HS3ST2: variants seen among roughly 807,000 people sequenced by gnomAD.
HS3ST2 encodes heparan sulfate-glucosamine 3-sulfotransferase 2, also known as heparan sulfate glucosamine 3-O-sulfotransferase 2.
HS3ST2 carries 17 observed loss-of-function variants against 26.3 expected under a neutral mutation model. The observed-to-expected ratio is 0.65, with a 90% CI of 0.44 to 0.97. The LOEUF (loss-of-function observed/expected upper bound fraction) is 0.97, where lower values mean the gene tolerates loss of function less well. Among genes scored for constraint, HS3ST2 ranks in the 50% least tolerant of loss-of-function variants. The pLI, the probability that HS3ST2 is intolerant of heterozygous loss-of-function variation, is 0.00. For missense variants in HS3ST2, 402 were observed against 501.2 expected (o/e 0.80, Z 1.89); for synonymous variants, 237 against 219.2 (o/e 1.08, Z -0.72).
intron 1 of HS3ST2, among the ~76,000 whole-genome samples, chr16:22,891,827 G>T (rs971529061): frequency 6.6e-6 from 1 of 152,164 alleles, no homozygotes; most frequent in Non-Finnish European, 1.5e-5. Context: ...CTTTGAGGTT[G>T]TTGCTATAAG....
At chr16:22,883,585 T>G (rs1051471486) in intron 1 of HS3ST2, among the ~76,000 whole-genome samples, 1 of 152,200 alleles carries the variant, frequency 6.6e-6, no homozygotes, top group Non-Finnish European at 1.5e-5. Context: ...ACTATGTAAC[T>G]GGTTTTTGTT....
intron 1 of HS3ST2, among the ~76,000 whole-genome samples, chr16:22,846,775 A>G (rs1041341169): frequency 2.0e-5 from 3 of 152,160 alleles, no homozygotes; most frequent in Non-Finnish European, 4.4e-5. Context: ...ATGTAACTCA[A>G]AGACAGTCTC....
intron 1 of HS3ST2, among the ~76,000 whole-genome samples, chr16:22,864,222 A>G (rs1195619800): frequency 6.6e-6 from 1 of 152,180 alleles, no homozygotes; most frequent in Non-Finnish European, 1.5e-5. Context: ...AGGTGTTATG[A>G]TGGATGCCTG....
chr16:22,894,352 G>T (rs541484211), intron 1 of HS3ST2, among the ~76,000 whole-genome samples: 3 of 152,296 alleles, frequency 2.0e-5, no homozygotes, highest in Admixed American at 2.0e-4. Context: ...CCTAATAGGT[G>T]CAGGGCAGCG....
At chr16:22,840,954 T>G (rs2141181887) in intron 1 of HS3ST2, among the ~76,000 whole-genome samples, 2 of 146,126 alleles carry the variant, frequency 1.4e-5, no homozygotes, top group African/African-American at 2.5e-5. Flanking sequence ...CCTAATGCTA[T>G]TCCTCCCCCC....
rs1900833452 is a variant in HS3ST2, at chr16:22,814,792, C to T, written c.182C>T (p.Ala61Val). 1.9e-6 allele frequency: 3 copies of T among 1,593,250 alleles called. No homozygotes were observed. The highest frequency in any genetic ancestry group is 1.1e-5 in the South Asian group (1 of 88,412). The change falls in exon 1 of 2, where the codon GCG becomes GTG. Residue 61 changes from alanine to valine, a missense_variant. Ala to Val is a moderately conservative substitution (Grantham distance 64, BLOSUM62 0). Around this residue, in one of 2 missense-constraint regions of HS3ST2, gnomAD observed 165 missense variants for 154.6 expected, o/e 1.07. Transcript: ENST00000261374. Reference sequence around the variant, plus strand: ...CCTCGCTGCCTCCGCGGCCCCAGCGCGGGCGGCCAGAAACTTCTCCAGAAG... The same window carrying T: ...CCTCGCTGCCTCCGCGGCCCCAGCGTGGGCGGCCAGAAACTTCTCCAGAAG... ...GAPRCLRGPS[A>V]GGQKLLQKSR...
In HS3ST2 at chr16:22,861,869, T is replaced by C. The variant is rs371500419; in HGVS notation, c.485+46774T>C. On this transcript the variant is annotated intron_variant, in intron 1 of 1. Coordinates refer to ENST00000261374, the MANE Select transcript of HS3ST2 (RefSeq NM_006043.2). ...CTGCCTCGGGACCTTTGCACTGGTCTCCTAAAGAGCTCTGCTCCCCAGTCT... is the reference window on the plus strand; with the variant it reads ...CTGCCTCGGGACCTTTGCACTGGTCCCCTAAAGAGCTCTGCTCCCCAGTCT... Among the ~76,000 whole-genome samples, 16 of 152,270 alleles carry C rather than the reference T, an allele frequency of 1.1e-4. No individual in the cohort carries two copies. The East Asian group carries it at 3.1e-3, about 29-fold the overall frequency.
chr16:22,869,384 A>G (rs1184120817), intron 1 of HS3ST2, among the ~76,000 whole-genome samples: 2 of 152,224 alleles, frequency 1.3e-5, no homozygotes, highest in African/African-American at 4.8e-5. Flanking sequence ...AGCTGGCCCA[A>G]GACTCAGTTC....
At chr16:22,829,577 T>C (rs1001179394) in intron 1 of HS3ST2, among the ~76,000 whole-genome samples, 1 of 152,122 alleles carries the variant, frequency 6.6e-6, no homozygotes, top group Non-Finnish European at 1.5e-5. Flanking sequence ...TATAGAACAC[T>C]TGTGGGTCAA....
At chr16:22,865,049 C>CAAAA (rs59256411) in intron 1 of HS3ST2, among the ~76,000 whole-genome samples, 1 of 50,044 alleles carries the variant, frequency 2.0e-5, no homozygotes, top group Non-Finnish European at 4.7e-5. Flanking sequence ...GACCCTATCT[C>CAAAA]AAAAAAAAAA....
At chr16:22,867,443 T>C (rs1794948584) in intron 1 of HS3ST2, among the ~76,000 whole-genome samples, 1 of 152,126 alleles carries the variant, frequency 6.6e-6, no homozygotes, top group South Asian at 2.1e-4. Context: ...GCCAGCAAAA[T>C]GGGTAATGTG....
At chr16:22,819,894 A>C (rs1000758398) in intron 1 of HS3ST2, among the ~76,000 whole-genome samples, 1 of 152,262 alleles carries the variant, frequency 6.6e-6, no homozygotes, top group African/African-American at 2.4e-5. Flanking sequence ...CTTAGAAAAA[A>C]ATAAAATCAA....
chr16:22,852,032 G>C (rs972202230), intron 1 of HS3ST2, among the ~76,000 whole-genome samples: 14 of 152,346 alleles, frequency 9.2e-5, no homozygotes, highest in Admixed American at 6.5e-5. Flanking sequence ...CTGAAGCTCA[G>C]CCTAGGCCAG....
chr16:22,904,293 C>T (rs577871237), intron 1 of HS3ST2, among the ~76,000 whole-genome samples: 1 of 152,212 alleles, frequency 6.6e-6, no homozygotes, highest in South Asian at 2.1e-4. Flanking sequence ...TCTCTGTATC[C>T]CCAGCATACA....
chr16:22,901,609 G>A (rs559451183), intron 1 of HS3ST2, among the ~76,000 whole-genome samples: 5 of 152,182 alleles, frequency 3.3e-5, no homozygotes, highest in Admixed American at 1.3e-4. Flanking sequence ...AGTGTCCCAC[G>A]GTCAGCTGCA....
intron 1 of HS3ST2, among the ~76,000 whole-genome samples, chr16:22,860,379 C>T (rs1359887422): frequency 6.6e-6 from 1 of 152,166 alleles, no homozygotes; most frequent in Non-Finnish European, 1.5e-5. Flanking sequence ...ATTTAACTAC[C>T]TCCCACTGGG....
chr16:22,885,862 G>A (rs912647264), intron 1 of HS3ST2, among the ~76,000 whole-genome samples: 1 of 152,136 alleles, frequency 6.6e-6, no homozygotes, highest in Non-Finnish European at 1.5e-5. Flanking sequence ...TGTGGTCACT[G>A]GTCGACAAAA....
chr16:22,864,240 G>C (rs1035842599), intron 1 of HS3ST2, among the ~76,000 whole-genome samples: 1 of 152,180 alleles, frequency 6.6e-6, no homozygotes, highest in African/African-American at 2.4e-5. Flanking sequence ...CTGACCCTCA[G>C]TGACTGTCTT....
At chr16:22,881,797 C>A (rs1348050599) in intron 1 of HS3ST2, among the ~76,000 whole-genome samples, 3 of 152,314 alleles carry the variant, frequency 2.0e-5, no homozygotes, top group Non-Finnish European at 2.9e-5. Context: ...TTGCTCACTT[C>A]TCTTCTCCCA....
Sources: gnomAD v4.1 joint callset for allele counts (sites outside exome capture counted in the v4.1 genomes callset) on GRCh38, gnomAD v4.1.1 for gene constraint, gnomAD v4.1.1 regional missense constraint, MANE v1.5 for transcripts, NCBI Gene and HGNC (gene_info 2026-07-23, HGNC 2026-07-21) for gene names.